STIM1: variants seen among roughly 807,000 people sequenced by gnomAD.
STIM1 encodes stromal interaction molecule 1.
A neutral mutation model predicts 74.7 loss-of-function variants in STIM1; 25 were observed. That is an observed-to-expected ratio of 0.33 (90% confidence interval 0.24 to 0.47). The LOEUF (loss-of-function observed/expected upper bound fraction) is 0.47. STIM1 is among the 20% of genes least tolerant of loss of function. The pLI, the probability that STIM1 is intolerant of heterozygous loss-of-function variation, is 1.00. For synonymous variants in STIM1, 328 were observed against 348.8 expected, an observed-to-expected ratio of 0.94 and a Z score of 0.66; for missense variants, 728 against 920.8, an observed-to-expected ratio of 0.79 and a Z score of 2.71.
At chr11:3,943,389 G>C (rs930195115) in intron 1 of STIM1, among the ~76,000 whole-genome samples, 4 of 152,182 alleles carry the variant, frequency 2.6e-5, no homozygotes, top group African/African-American at 9.7e-5. Flanking sequence ...CTGGGTTGAA[G>C]TCCTGGTTTG....
At chr11:4,049,041 T>G (rs2094216467) in intron 3 of STIM1, among the ~76,000 whole-genome samples, 2 of 152,212 alleles carry the variant, frequency 1.3e-5, no homozygotes. Flanking sequence ...GCCTATAAAT[T>G]ATTTTAAAAG....
chr11:3,909,535 T>C (rs907880661), intron 1 of STIM1, among the ~76,000 whole-genome samples: 5 of 151,956 alleles, frequency 3.3e-5, no homozygotes, highest in Admixed American at 3.3e-4. Context: ...AAAAAAGTCA[T>C]CTTATGGGGC....
intron 1 of STIM1, among the ~76,000 whole-genome samples, chr11:3,924,970 A>T (rs1329047446): frequency 2.0e-5 from 3 of 152,238 alleles, no homozygotes; most frequent in Non-Finnish European, 4.4e-5. Context: ...ACATGAAAGA[A>T]AACTTGTATC....
At chr11:3,904,682 G>A (rs1014823036) in intron 1 of STIM1, among the ~76,000 whole-genome samples, 2 of 152,136 alleles carry the variant, frequency 1.3e-5, no homozygotes, top group African/African-American at 4.8e-5. Flanking sequence ...TGGTCATGGG[G>A]GTTGATTTAA....
chr11:3,996,920 C>G (rs1290804656), intron 2 of STIM1, among the ~76,000 whole-genome samples: 1 of 152,148 alleles, frequency 6.6e-6, no homozygotes, highest in Non-Finnish European at 1.5e-5. Flanking sequence ...AGTATTTACC[C>G]CAATTAAGAA....
At chr11:3,884,721 G>T (rs1195016652) in intron 1 of STIM1, among the ~76,000 whole-genome samples, 1 of 151,850 alleles carries the variant, frequency 6.6e-6, no homozygotes, top group African/African-American at 2.4e-5. Flanking sequence ...GGTGGAGGTT[G>T]TGGTGAGCTG....
chr11:3,969,964 A>G (rs1440401959), intron 2 of STIM1, among the ~76,000 whole-genome samples: 1 of 152,214 alleles, frequency 6.6e-6, no homozygotes, highest in Non-Finnish European at 1.5e-5. Context: ...GCCTAGTGGC[A>G]TCCTGATCAC....
At chr11:3,939,992 T>G (rs1409051777) in intron 1 of STIM1, among the ~76,000 whole-genome samples, 2 of 152,240 alleles carry the variant, frequency 1.3e-5, no homozygotes, top group Non-Finnish European at 2.9e-5. Flanking sequence ...AATCTTTTTT[T>G]GTTACTTGTT....
Position 4,013,644 on chromosome 11 carries a change from T to G in STIM1, c.271-10229T>G, listed in dbSNP as rs183984397. On this transcript the variant is annotated intron_variant, in intron 2 of 12. Coordinates refer to ENST00000526596, the MANE Select transcript of STIM1 (RefSeq NM_001382567.1). The stretch of plus-strand genomic sequence containing the variant: ...ATTGCATCTGTATGATTCTTCTCTC[T>G]TCTTTGTTGATCTTTTCAAAAACCA... Among the ~76,000 whole-genome samples, 11 of 151,074 alleles carry G rather than the reference T, an allele frequency of 7.3e-5. No homozygotes were observed. The East Asian group carries it at 1.9e-3, about 27-fold the overall frequency.
chr11:4,055,420 T>C, intron 3 of STIM1, 106 bp from the exon 4 acceptor site: 1 of 831,204 alleles, frequency 1.2e-6, no homozygotes, highest in East Asian at 2.7e-5. Context: ...ATGGGACAGA[T>C]AGATATTAAA....
Position 3,941,085 on chromosome 11 carries a change from C to T in STIM1, c.140-26467C>T, listed in dbSNP as rs555471541. On this transcript the variant is annotated intron_variant, in intron 1 of 12. Transcript: ENST00000526596. ...GTTGTTGTGAGGATGAATGAGGTAA[C>T]AAATATAAAGTGCTTAGAATAGTAC... Among the ~76,000 whole-genome samples, 3 of 152,174 alleles carry T rather than the reference C, an allele frequency of 2.0e-5. No individual in the cohort carries two copies. The East Asian group carries it at 5.8e-4, about 29-fold the overall frequency.
intron 3 of STIM1, among the ~76,000 whole-genome samples, chr11:4,033,563 A>T (rs184855274): frequency 4.0e-5 from 6 of 151,200 alleles, no homozygotes; most frequent in Admixed American, 4.0e-4. Flanking sequence ...TGTTGAAGAG[A>T]AATGAGGTGA....
At chr11:4,042,399 T>C (rs547170089) in intron 3 of STIM1, among the ~76,000 whole-genome samples, 1 of 152,230 alleles carries the variant, frequency 6.6e-6, no homozygotes, top group Non-Finnish European at 1.5e-5. Context: ...ATTATACTTA[T>C]CACCATCTGA....
rs552213975 is a variant in STIM1, at chr11:4,071,826, A to G, written c.791+1623A>G. Among the ~76,000 whole-genome samples the G allele has an allele frequency of 5.3e-5, 8 of 152,310 alleles. No individual in the cohort carries two copies. In the South Asian group the frequency reaches 1.7e-3, roughly 32 times the overall value. On this transcript the variant is annotated intron_variant, in intron 6 of 12. Coordinates refer to ENST00000526596, the MANE Select transcript of STIM1 (RefSeq NM_001382567.1). ...GAGGGTAAGTGCTTTGTTCAGGGTCATATATCAGTAAGTAGTGAACTAGGA... is the reference window on the plus strand; with the variant it reads ...GAGGGTAAGTGCTTTGTTCAGGGTCGTATATCAGTAAGTAGTGAACTAGGA...
intron 1 of STIM1, among the ~76,000 whole-genome samples, chr11:3,866,797 G>GA (rs2090877031): frequency 6.6e-6 from 1 of 152,048 alleles, no homozygotes; most frequent in Admixed American, 6.5e-5. Flanking sequence ...TTCCTCACTT[G>GA]AAAAATGGAG....
At chr11:4,091,257 T>C in intron 12 of STIM1, 25 bp from the exon 13 acceptor site, 1 of 1,614,002 alleles carries the variant, frequency 6.2e-7, no homozygotes, top group Non-Finnish European at 8.5e-7. Flanking sequence ...TGTCCCTTTC[T>C]TCCTCTCTGC....
At chr11:3,964,557 A>G (rs1393015102) in intron 1 of STIM1, among the ~76,000 whole-genome samples, 2 of 152,148 alleles carry the variant, frequency 1.3e-5, no homozygotes, top group African/African-American at 4.8e-5. Context: ...TTTTTGGGAA[A>G]GGTGCTGGTT....
At chr11:4,078,342 C>T (rs770263097) in intron 7 of STIM1, among the ~76,000 whole-genome samples, 32 of 152,190 alleles carry the variant, frequency 2.1e-4, no homozygotes, top group Admixed American at 9.2e-4. Flanking sequence ...CCCTGAAAGA[C>T]TGTGAGAGAT....
intron 2 of STIM1, among the ~76,000 whole-genome samples, chr11:3,977,858 GT>G (rs553917693): frequency 7.5e-4 from 114 of 152,176 alleles, no homozygotes; most frequent in African/African-American, 2.6e-3. Flanking sequence ...CTAAAGCCAT[GT>G]TTTTTTCTCC....
Sources: allele counts gnomAD v4.1 joint callset (sites outside exome capture counted in the v4.1 genomes callset), GRCh38; gene constraint gnomAD v4.1.1; transcripts MANE v1.5; gene names NCBI Gene and HGNC (gene_info 2026-07-23, HGNC 2026-07-21).